The following TIMP1 variants were observed in gnomAD, a reference collection of about 807,000 sequenced individuals.
The protein encoded by TIMP1 is metalloproteinase inhibitor 1.
Under a neutral mutation model 13.7 loss-of-function variants are expected in TIMP1, and 5 were observed. The observed-to-expected ratio is 0.36, with a 90% CI of 0.19 to 0.76. TIMP1 has a LOEUF of 0.76. Ranked by LOEUF, TIMP1 falls within the 30% of genes least tolerant of loss-of-function variation. TIMP1 has a pLI of 0.51. For synonymous variants in TIMP1, 63 were observed against 67.1 expected (o/e 0.94, Z 0.30); for missense variants, 131 against 168.4 (o/e 0.78, Z 1.23).
Position 47,586,674 on chromosome X carries a change from C to A in TIMP1, c.607C>A (p.Arg203=). 1 of 1,209,713 alleles carries A rather than the reference C, an allele frequency of 8.3e-7. No homozygotes were observed. Residue 203 remains arginine (R), a synonymous_variant, in exon 6 of 6, where the codon CGG becomes AGG. Transcript: ENST00000218388. The part of the protein sequence containing the change: ...EPGLCTWQSL[R]SQIA ...AGGGCTGTGCACCTGGCAGTCCCTGCGGTCCCAGATAGCCTGAATCCTGCC... is the reference window on the plus strand; with the variant it reads ...AGGGCTGTGCACCTGGCAGTCCCTGAGGTCCCAGATAGCCTGAATCCTGCC...
Position 47,584,933 on chromosome X carries a change from C to T in TIMP1, c.122-3C>T. 1 of 1,208,916 alleles carries T rather than the reference C, an allele frequency of 8.3e-7. No homozygotes were observed. Among genetic ancestry groups the T allele is most frequent in the Non-Finnish European group, 1.1e-6 (1 of 893,274 alleles). On this transcript the variant is annotated splice_polypyrimidine_tract_variant and splice_region_variant and intron_variant, in intron 2 of 5. Coordinates refer to ENST00000218388, the MANE Select transcript of TIMP1 (RefSeq NM_003254.3). Reference sequence around the variant, plus strand: ...TGACTCATATTTCCCTCCTCTCCTGCAGTCATCAGGGCCAAGTTCGTGGGG... The same window carrying T: ...TGACTCATATTTCCCTCCTCTCCTGTAGTCATCAGGGCCAAGTTCGTGGGG...
At chrX:47,585,984 A>G in intron 5 of TIMP1, 1 of 1,036,170 alleles carries the variant, frequency 9.7e-7, no homozygotes. Flanking sequence ...GGTTCCCCAG[A>G]ATGTTCTCCA....
At chrX:47,585,406 A>C in intron 4 of TIMP1, 75 bp downstream of exon 4, 7 of 1,200,850 alleles carry the variant, frequency 5.8e-6, no homozygotes, top group Non-Finnish European at 7.9e-6. Context: ...CGAGGGGGCG[A>C]GGCTCTGATG....
intron 2 of TIMP1, among the ~76,000 whole-genome samples, chrX:47,583,786 C>T (rs1246161810): frequency 5.4e-5 from 6 of 112,002 alleles, no homozygotes; most frequent in Non-Finnish European, 7.5e-5. Context: ...CTGCCTCAAA[C>T]GTCACCTTCT....
Position 47,586,583 on chromosome X carries a change from C to A in TIMP1, c.516C>A (p.Asp172Glu). ...LQSGTHCLWT[D>E]QLLQGSEKGF... ...GTGGCACTCATTGCTTGTGGACGGA[C>A]CAGCTCCTCCAAGGCTCTGAAAAGG... The change falls in exon 6 of 6, where the codon GAC (aspartate) becomes GAA (glutamate). Residue 172 changes from aspartate to glutamate, a missense_variant. By Grantham distance (45) the Asp-to-Glu change is conservative. Transcript: ENST00000218388. 1 of 1,211,970 alleles carries A rather than the reference C, an allele frequency of 8.3e-7. No individual in the cohort carries two copies. The highest frequency in any genetic ancestry group is 1.1e-6 in the Non-Finnish European group (1 of 895,573).
intron 5 of TIMP1, chrX:47,586,306 C>T: frequency 1.3e-6 from 1 of 754,555 alleles, no homozygotes; most frequent in South Asian, 6.7e-5. Flanking sequence ...TATTCCCCAG[C>T]CACCATTCCA....
chrX:47,584,879 CTTA>C, intron 2 of TIMP1, 54 bp from the exon 3 acceptor site: 1 of 1,023,635 alleles, frequency 9.8e-7, no homozygotes, highest in Non-Finnish European at 1.4e-6. Flanking sequence ...TGATGATGAT[CTTA>C]TTTTTATTGG....
chrX:47,583,970 T>C (rs1197881015), intron 2 of TIMP1, among the ~76,000 whole-genome samples: 1 of 111,761 alleles, frequency 8.9e-6, no homozygotes, highest in Non-Finnish European at 1.9e-5. Context: ...GATCTTGCAG[T>C]CGGTGGGAGA....
chrX:47,586,290 A>G (rs2057825979), intron 5 of TIMP1: 1 of 752,447 alleles, frequency 1.3e-6, no homozygotes, highest in African/African-American at 2.3e-5. Flanking sequence ...ACTGACCCCC[A>G]GGGCCTATTC....
intron 1 of TIMP1, 95 bp from the exon 2 acceptor site, chrX:47,583,313 C>T (rs1273807747): frequency 3.9e-6 from 3 of 774,096 alleles, no homozygotes; most frequent in East Asian, 3.4e-5. Context: ...CTAATCCCCC[C>T]CATAGGCTGC....
At chrX:47,584,375 G>C (rs2057813905) in intron 2 of TIMP1, among the ~76,000 whole-genome samples, 1 of 109,948 alleles carries the variant, frequency 9.1e-6, no homozygotes, top group Admixed American at 9.8e-5. Flanking sequence ...GAATATAGGG[G>C]TTCTTGCTAA....
chrX:47,584,930 C>T lies in TIMP1; in HGVS notation c.122-6C>T. The stretch of plus-strand genomic sequence containing the variant: ...ATTTGACTCATATTTCCCTCCTCTC[C>T]TGCAGTCATCAGGGCCAAGTTCGTG... On this transcript the variant is annotated splice_polypyrimidine_tract_variant and splice_region_variant and intron_variant, in intron 2 of 5. Transcript: ENST00000218388. 1.7e-6 allele frequency: 2 copies of T among 1,208,689 alleles called. No homozygotes were observed. The highest frequency in any genetic ancestry group is 2.2e-6 in the Non-Finnish European group (2 of 893,123).
Position 47,584,979 on chromosome X carries a change from C to T in TIMP1, c.165C>T (p.Thr55=). The T allele has an allele frequency of 1.7e-6, 2 of 1,211,192 alleles. No individual in the cohort carries two copies. The highest frequency in any genetic ancestry group is 2.2e-6 in the Non-Finnish European group (2 of 895,356). The change falls in exon 3 of 6, where the codon ACC becomes ACT. Residue 55 remains threonine, a synonymous_variant. Transcript: ENST00000218388. Reference sequence around the variant, plus strand: ...TGGGGACACCAGAAGTCAACCAGACCACCTTATACCAGCGTTATGAGATCA... The same window carrying T: ...TGGGGACACCAGAAGTCAACCAGACTACCTTATACCAGCGTTATGAGATCA... ...KFVGTPEVNQ[T]TLYQRYEIKM...
intron 1 of TIMP1, 60 bp from the exon 2 acceptor site, chrX:47,583,346 GAC>G: frequency 3.6e-6 from 4 of 1,118,353 alleles, no homozygotes; most frequent in Non-Finnish European, 4.7e-6. Context: ...TGGGGTGGAT[GAC>G]CTGCCCAGGT....
intron 5 of TIMP1, chrX:47,586,031 T>C: frequency 1.0e-6 from 1 of 979,600 alleles, no homozygotes; most frequent in Non-Finnish European, 1.3e-6. Context: ...CCACTGACCC[T>C]TCCTCAGCAC....
chrX:47,583,904 A>G (rs2057810989), intron 2 of TIMP1, among the ~76,000 whole-genome samples: 1 of 111,969 alleles, frequency 8.9e-6, no homozygotes, highest in South Asian at 3.7e-4. Context: ...GTTATAACAC[A>G]GTAAGGAAGA....
At position 47,585,174 on chromosome X, in the gene TIMP1, A is replaced by G. The variant is rs762006558; in HGVS notation, c.202-31A>G. ...CCTGGAGTGGGAGGATTATGTCAGT[A>G]AAAGAGACACTTCCCCTCATCCATC... On this transcript the variant is annotated intron_variant, in intron 3 of 5. Coordinates refer to ENST00000218388, the MANE Select transcript of TIMP1 (RefSeq NM_003254.3). The G allele has an allele frequency of 7.6e-5, 89 of 1,168,862 alleles. No homozygotes were observed. In the South Asian group the frequency reaches 1.7e-3, roughly 23 times the overall value.
Position 47,585,586 on chromosome X carries a change from T to C in TIMP1, c.372T>C (p.Phe124=), listed in dbSNP as rs4898. 0.46 allele frequency: 550,155 copies of C among 1,194,351 alleles called. 85,727 individuals are homozygous for C. Among genetic ancestry groups the C allele is most frequent in the South Asian group, 0.52 (28,376 of 54,164 alleles). Residue 124 remains phenylalanine (F), a synonymous_variant, in exon 5 of 6, where the codon TTT becomes TTC. Transcript: ENST00000218388. ...DGLLHITTCS[F]VAPWNSLSLA... is the part of the protein sequence containing the mutation. ...TCTTGCACATCACTACCTGCAGTTTTGTGGCTCCCTGGAACAGCCTGAGCT... is the reference window on the plus strand; with the variant it reads ...TCTTGCACATCACTACCTGCAGTTTCGTGGCTCCCTGGAACAGCCTGAGCT...
chrX:47,582,606 G>C (rs761689733), intron 1 of TIMP1, 132 bp downstream of exon 1: 1 of 365,315 alleles, frequency 2.7e-6, no homozygotes, highest in South Asian at 2.5e-5. Flanking sequence ...AGGACCCTGG[G>C]CTAGTCTAGG....
Sources: allele counts gnomAD v4.1 joint callset (sites outside exome capture counted in the v4.1 genomes callset), GRCh38; gene constraint gnomAD v4.1.1; transcripts MANE v1.5; gene names NCBI Gene and HGNC (gene_info 2026-07-23, HGNC 2026-07-21).